TBC1D19: variants seen among roughly 807,000 people sequenced by gnomAD.
The protein encoded by TBC1D19 is TBC1 domain family member 19.
TBC1D19 carries 60 observed loss-of-function variants against 89.0 expected under a neutral mutation model. The observed-to-expected ratio is 0.67, with a 90% CI of 0.55 to 0.84. The LOEUF (loss-of-function observed/expected upper bound fraction) is 0.84, where lower values mean the gene tolerates loss of function less well. TBC1D19 is among the 40% of genes least tolerant of loss of function. TBC1D19 has a pLI of 0.00. For missense variants in TBC1D19, 500 were observed against 610.8 expected (o/e 0.82, Z 1.91); for synonymous variants, 189 against 199.7 (o/e 0.95, Z 0.45).
chr4:26,789,462 C>T, the TBC1D19 span, among the ~76,000 whole-genome samples: 1 of 152,138 alleles, frequency 6.6e-6, no homozygotes, highest in African/African-American at 2.4e-5. Flanking sequence ...TGAAAATGTT[C>T]ATCACTAATC....
At chr4:26,657,358 AG>A (rs1456648451) in intron 7 of TBC1D19, among the ~76,000 whole-genome samples, 7 of 152,012 alleles carry the variant, frequency 4.6e-5, no homozygotes, top group African/African-American at 1.7e-4. Context: ...TTCTTGTGAT[AG>A]TTTGCTGAGA....
At chr4:26,713,421 G>T (rs1716339894) in intron 13 of TBC1D19, among the ~76,000 whole-genome samples, 1 of 151,986 alleles carries the variant, frequency 6.6e-6, no homozygotes, top group East Asian at 1.9e-4. Context: ...CAATATTAAT[G>T]TAAGTTAATG....
At chr4:26,778,840 A>T in the TBC1D19 span, among the ~76,000 whole-genome samples, 1 of 152,210 alleles carries the variant, frequency 6.6e-6, no homozygotes, top group Non-Finnish European at 1.5e-5. Flanking sequence ...ACTGGTCTAG[A>T]GAAAAATCTA....
intron 1 of TBC1D19, among the ~76,000 whole-genome samples, chr4:26,596,059 C>T (rs552612505): frequency 8.5e-5 from 13 of 152,146 alleles, no homozygotes; most frequent in African/African-American, 2.4e-4. Context: ...TGGATTCAAG[C>T]GATTCTCCTG....
the TBC1D19 span, among the ~76,000 whole-genome samples, chr4:26,802,717 T>A: frequency 6.6e-6 from 1 of 152,236 alleles, no homozygotes; most frequent in African/African-American, 2.4e-5. Context: ...TCTGTAAAGA[T>A]GCACATTGAT....
intron 7 of TBC1D19, among the ~76,000 whole-genome samples, chr4:26,642,946 T>C (rs1392976964): frequency 6.6e-6 from 1 of 152,136 alleles, no homozygotes; most frequent in Non-Finnish European, 1.5e-5. Flanking sequence ...CTGAGACACC[T>C]AAAAAGAGAC....
intron 1 of TBC1D19, among the ~76,000 whole-genome samples, chr4:26,606,772 A>G (rs1040151102): frequency 5.3e-5 from 8 of 152,212 alleles, no homozygotes; most frequent in Non-Finnish European, 1.2e-4. Context: ...TTAGCATGAT[A>G]GCATAGTGAA....
At position 26,702,880 on chromosome 4, in the gene TBC1D19, G is replaced by T. The variant is rs545566584; in HGVS notation, c.954+14473G>T. Among the ~76,000 whole-genome samples the T allele has an allele frequency of 3.9e-5, 6 of 152,220 alleles. No homozygotes were observed. The South Asian group carries it at 1.0e-3, about 26-fold the overall frequency. On this transcript the variant is annotated intron_variant, in intron 13 of 20. Coordinates refer to ENST00000264866, the MANE Select transcript of TBC1D19 (RefSeq NM_018317.4). ...AGCTCCATATTCCCCCTGCCCCCGG[G>T]CCCAGCAGTCACCATTCAACTGCTG... is the stretch of plus-strand genomic sequence containing the variant.
At chr4:26,802,446 C>T in the TBC1D19 span, among the ~76,000 whole-genome samples, 2 of 151,826 alleles carry the variant, frequency 1.3e-5, no homozygotes. Flanking sequence ...ACTAAAAATA[C>T]AAAAAATTAG....
At chr4:26,776,434 G>A in the TBC1D19 span, among the ~76,000 whole-genome samples, 10 of 152,250 alleles carry the variant, frequency 6.6e-5, no homozygotes, top group South Asian at 2.1e-3. Context: ...GTTTGTAAAT[G>A]TCTGTATTAT....
At position 26,593,996 on chromosome 4, in the gene TBC1D19, A is replaced by G. The variant is rs948414238; in HGVS notation, c.99+9704A>G. 2.0e-3 allele frequency among the ~76,000 whole-genome samples: 310 copies of G among 152,290 alleles called. 2 individuals are homozygous for G. The highest frequency in any genetic ancestry group is 2.0e-3 in the Non-Finnish European group (137 of 68,018). Reference sequence around the variant, plus strand: ...CCAGCCATCCCATTACTGGGTATATACCCAAAGGATTATAAATCATGCTGC... The same window carrying G: ...CCAGCCATCCCATTACTGGGTATATGCCCAAAGGATTATAAATCATGCTGC... On this transcript the variant is annotated intron_variant, in intron 1 of 20. Coordinates refer to ENST00000264866, the MANE Select transcript of TBC1D19 (RefSeq NM_018317.4).
chr4:26,851,349 CT>C, the TBC1D19 span, among the ~76,000 whole-genome samples: 2 of 151,560 alleles, frequency 1.3e-5, no homozygotes, highest in African/African-American at 4.8e-5. Context: ...ATCTATCTAT[CT>C]ATCTATCTAT....
chr4:26,649,357 C>T (rs1337952811), intron 7 of TBC1D19, among the ~76,000 whole-genome samples: 2 of 152,054 alleles, frequency 1.3e-5, no homozygotes, highest in Non-Finnish European at 2.9e-5. Context: ...TTTTTGACAG[C>T]TTTATTGAGC....
chr4:26,631,673 G>A (rs78121374), intron 4 of TBC1D19, among the ~76,000 whole-genome samples: 3,245 of 152,060 alleles, frequency 0.021, 110 homozygotes, highest in African/African-American at 0.073. Context: ...AATCAAATAA[G>A]TTTTAATCAG....
At chr4:26,655,509 G>T (rs1178196720) in intron 7 of TBC1D19, among the ~76,000 whole-genome samples, 1 of 152,204 alleles carries the variant, frequency 6.6e-6, no homozygotes, top group Non-Finnish European at 1.5e-5. Context: ...TTGAGCTGTG[G>T]TGGGCTCCAC....
chr4:26,772,636 A>G, the TBC1D19 span, among the ~76,000 whole-genome samples: 2 of 151,902 alleles, frequency 1.3e-5, no homozygotes, highest in African/African-American at 2.4e-5. Flanking sequence ...CACACCCCCA[A>G]CAGACCCCAG....
chr4:26,791,735 A>G, the TBC1D19 span, among the ~76,000 whole-genome samples: 2 of 152,236 alleles, frequency 1.3e-5, no homozygotes, highest in Non-Finnish European at 2.9e-5. Flanking sequence ...GAAGCCTAAC[A>G]ATAGATAAGA....
chr4:26,808,749 AAAAG>A, the TBC1D19 span, among the ~76,000 whole-genome samples: 1 of 151,154 alleles, frequency 6.6e-6, no homozygotes, highest in Non-Finnish European at 1.5e-5. Context: ...AAAAAAAAGA[AAAAG>A]AAAAAGAAAT....
the TBC1D19 span, among the ~76,000 whole-genome samples, chr4:26,803,708 G>A: frequency 6.6e-6 from 1 of 152,166 alleles, no homozygotes; most frequent in Non-Finnish European, 1.5e-5. Context: ...GGGAGTAGGA[G>A]TGAGTGAACA....
Sources: allele counts gnomAD v4.1 joint callset (sites outside exome capture counted in the v4.1 genomes callset), GRCh38; gene constraint gnomAD v4.1.1; transcripts MANE v1.5; gene names NCBI Gene and HGNC (gene_info 2026-07-23, HGNC 2026-07-21).